The following TMEM132C variants were observed in gnomAD, a reference collection of about 807,000 sequenced individuals.
The protein encoded by TMEM132C is protein phosphatase 1, regulatory subunit 152.
TMEM132C carries 29 observed loss-of-function variants against 61.4 expected under a neutral mutation model. The observed-to-expected ratio is 0.47, with a 90% CI of 0.35 to 0.64. The LOEUF (loss-of-function observed/expected upper bound fraction) is 0.64. Among genes scored for constraint, TMEM132C ranks in the 30% least tolerant of loss-of-function variants. The probability of loss-of-function intolerance (pLI) is 0.00; values close to 1 mark genes in which losing one functional copy is unlikely to be tolerated. For synonymous variants in TMEM132C, 656 were observed against 633.1 expected (o/e 1.04, Z -0.54); for missense variants, 1,408 against 1,476.9 (o/e 0.95, Z 0.76).
At chr12:128,666,023 G>GTGCA (rs1483513740) in intron 4 of TMEM132C, among the ~76,000 whole-genome samples, 32 of 61,410 alleles carry the variant, frequency 5.2e-4, no homozygotes, top group African/African-American at 2.1e-3. Context: ...ACATTCACAG[G>GTGCA]CGCACATTCA....
At chr12:128,629,621 C>T (rs1404800544) in intron 4 of TMEM132C, among the ~76,000 whole-genome samples, 1 of 152,118 alleles carries the variant, frequency 6.6e-6, no homozygotes, top group East Asian at 1.9e-4. Context: ...CTCAGCCCTG[C>T]AGGTCCAACA....
At chr12:128,330,166 A>G (rs566314600) in intron 1 of TMEM132C, among the ~76,000 whole-genome samples, 12 of 152,280 alleles carry the variant, frequency 7.9e-5, no homozygotes, top group African/African-American at 2.6e-4. Flanking sequence ...TACAGGCACA[A>G]TGCCAACAAG....
In TMEM132C at chr12:128,669,346, C is replaced by T. The variant is rs935309738; in HGVS notation, c.1306-71C>T. ...CTGGTGTTTACCCTGGGAGATTCCC[C>T]CTAGAATTGTCCAGTTCCCAACAGA... On this transcript the variant is annotated intron_variant, in intron 4 of 8. Transcript: ENST00000435159. 4 of 1,518,284 alleles carry T rather than the reference C, an allele frequency of 2.6e-6. No individual in the cohort carries two copies. The African/African-American group carries it at 4.1e-5, about 16-fold the overall frequency. The allele number at this position is 1,518,284 out of a possible 1,614,324, so 94.1% of individuals were successfully genotyped here.
At chr12:128,544,139 CT>C (rs200405350) in intron 3 of TMEM132C, 36 bp downstream of exon 3, 59,649 of 1,471,746 alleles carry the variant, frequency 0.041, 1,384 homozygotes, top group Middle Eastern at 0.054. Flanking sequence ...TGTGTGGTTC[CT>C]GGTCCCGGGC....
chr12:128,652,506 A>T (rs1343594381), intron 4 of TMEM132C, among the ~76,000 whole-genome samples: 1 of 152,242 alleles, frequency 6.6e-6, no homozygotes, highest in Non-Finnish European at 1.5e-5. Context: ...ATGAGACACC[A>T]TCCAAGAACG....
chr12:128,419,355 A>C (rs551979669), intron 2 of TMEM132C, among the ~76,000 whole-genome samples: 6 of 152,288 alleles, frequency 3.9e-5, no homozygotes, highest in Middle Eastern at 3.4e-3. Context: ...AGCATTATGA[A>C]CAGCAAACTC....
intron 5 of TMEM132C, among the ~76,000 whole-genome samples, chr12:128,672,577 T>A (rs1305790821): frequency 6.6e-6 from 1 of 152,206 alleles, no homozygotes; most frequent in Non-Finnish European, 1.5e-5. Context: ...AATCCAGAGT[T>A]GATACCCCTG....
At chr12:128,306,444 T>C (rs1027845056) in intron 1 of TMEM132C, among the ~76,000 whole-genome samples, 8 of 152,042 alleles carry the variant, frequency 5.3e-5, no homozygotes, top group East Asian at 1.9e-4. Flanking sequence ...CCTCGTGATC[T>C]GCCCACCTCG....
chr12:128,657,113 T>G (rs1954333419), intron 4 of TMEM132C, among the ~76,000 whole-genome samples: 2 of 152,156 alleles, frequency 1.3e-5, no homozygotes, highest in Admixed American at 6.5e-5. Context: ...GTTCTTTCTT[T>G]CTGGAAGGAT....
intron 2 of TMEM132C, among the ~76,000 whole-genome samples, chr12:128,432,883 C>G (rs1869439823): frequency 6.6e-6 from 1 of 152,094 alleles, no homozygotes; most frequent in African/African-American, 2.4e-5. Flanking sequence ...TCAATGGATT[C>G]AGCAAGCCTC....
At chr12:128,319,410 G>C (rs1303290898) in intron 1 of TMEM132C, among the ~76,000 whole-genome samples, 1 of 151,820 alleles carries the variant, frequency 6.6e-6, no homozygotes, top group South Asian at 2.1e-4. Context: ...TGTCTGTTGG[G>C]CCAAGTGCGG....
chr12:128,297,170 T>G (rs1032344919), intron 1 of TMEM132C, among the ~76,000 whole-genome samples: 2 of 152,200 alleles, frequency 1.3e-5, no homozygotes, highest in Non-Finnish European at 2.9e-5. Context: ...TTTCAGTTGG[T>G]GCTGGCTTGA....
chr12:128,377,873 C>A (rs556438211), intron 1 of TMEM132C, among the ~76,000 whole-genome samples: 5 of 152,170 alleles, frequency 3.3e-5, no homozygotes, highest in Non-Finnish European at 7.3e-5. Flanking sequence ...TGGGCTCCTT[C>A]CCCAGGGCTG....
At chr12:128,650,425 T>TA (rs1297633401) in intron 4 of TMEM132C, among the ~76,000 whole-genome samples, 1 of 152,002 alleles carries the variant, frequency 6.6e-6, no homozygotes, top group African/African-American at 2.4e-5. Context: ...GTTTTATTTT[T>TA]AAAAAAAGGT....
At chr12:128,334,726 G>A (rs560877834) in intron 1 of TMEM132C, among the ~76,000 whole-genome samples, 1 of 151,918 alleles carries the variant, frequency 6.6e-6, no homozygotes, top group African/African-American at 2.4e-5. Flanking sequence ...CTCCCGAGTA[G>A]CTGGGACTAC....
chr12:128,542,664 A>G (rs1160024000), intron 2 of TMEM132C, among the ~76,000 whole-genome samples: 5 of 151,900 alleles, frequency 3.3e-5, no homozygotes, highest in Non-Finnish European at 7.4e-5. Flanking sequence ...TATTGAGACC[A>G]TCCTGGCCAG....
chr12:128,696,166 C>T, intron 7 of TMEM132C, 63 bp downstream of exon 7: 1 of 1,504,544 alleles, frequency 6.6e-7, no homozygotes, highest in East Asian at 2.5e-5. Flanking sequence ...GAGGGAGAGT[C>T]AATGGGTGGG....
chr12:128,573,776 T>C (rs1874988981), intron 3 of TMEM132C, among the ~76,000 whole-genome samples: 1 of 151,922 alleles, frequency 6.6e-6, no homozygotes, highest in Admixed American at 6.6e-5. Flanking sequence ...TTGAGGCAGA[T>C]GGTGGTGATG....
At chr12:128,612,654 G>A (rs905006277) in intron 3 of TMEM132C, among the ~76,000 whole-genome samples, 11 of 152,194 alleles carry the variant, frequency 7.2e-5, no homozygotes, top group South Asian at 2.1e-4. Flanking sequence ...TAAGGTCTGC[G>A]TGGAACCTGG....
Sources: allele counts gnomAD v4.1 joint callset (sites outside exome capture counted in the v4.1 genomes callset), GRCh38; gene constraint gnomAD v4.1.1; transcripts MANE v1.5; gene names NCBI Gene and HGNC (gene_info 2026-07-23, HGNC 2026-07-21).